Variants in RSRC1 observed in about 807,000 individuals in gnomAD.
RSRC1 encodes arginine and serine rich coiled-coil 1.
A neutral mutation model predicts 49.1 loss-of-function variants in RSRC1; 39 were observed. The ratio of observed to expected loss-of-function variants is 0.79; its 90% CI spans 0.61 to 1.04. RSRC1 has a LOEUF of 1.04. Among genes scored for constraint, RSRC1 ranks in the 50% least tolerant of loss-of-function variants. The probability of loss-of-function intolerance (pLI) is 0.00; values close to 1 mark genes in which losing one functional copy is unlikely to be tolerated. For synonymous variants in RSRC1, 143 were observed against 130.8 expected, an observed-to-expected ratio of 1.09 and a Z score of -0.63; for missense variants, 388 against 402.4, an observed-to-expected ratio of 0.96 and a Z score of 0.31.
chr3:158,200,249 C>G (rs539845856), intron 3 of RSRC1, among the ~76,000 whole-genome samples: 1 of 151,896 alleles, frequency 6.6e-6, no homozygotes, highest in Non-Finnish European at 1.5e-5. Context: ...CATGTTAGCC[C>G]GGATGGTCTC....
Position 158,491,155 on chromosome 3 carries a change from A to C in RSRC1, c.652+30152A>C, listed in dbSNP as rs150210266. On this transcript the variant is annotated intron_variant, in intron 7 of 9. Coordinates refer to ENST00000611884, the MANE Select transcript of RSRC1 (RefSeq NM_001271838.2). The stretch of plus-strand genomic sequence containing the variant: ...AGTTAATGTGGCTTATATGATAGCT[A>C]TCTCATTTCCTCTTGTCTACTAGGA... Among the ~76,000 whole-genome samples the C allele has an allele frequency of 6.4e-4, 98 of 152,352 alleles. 1 individual carries two copies. The highest frequency in any genetic ancestry group is 2.2e-3 in the African/African-American group (93 of 41,586).
Position 158,298,074 on chromosome 3 carries a change from T to C in RSRC1, c.530T>C (p.Leu177Pro). 6.2e-7 allele frequency: 1 copy of C among 1,601,294 alleles called. No individual in the cohort carries two copies. The highest frequency in any genetic ancestry group is 8.6e-7 in the Non-Finnish European group (1 of 1,169,186). ...AACATCAAAGCTGGATTAGAACATC[T>C]GGTAAGTTCTCATTTTCTCTTGAAC... ...SGNIKAGLEH[L>P]PPAEQAKARL... The change falls in exon 5 of 10, where the codon CTG (leucine) becomes CCG (proline). Residue 177 changes from leucine to proline, a missense_variant and splice_region_variant. Leu to Pro is a moderately conservative substitution (Grantham distance 98). Coordinates refer to ENST00000611884, the MANE Select transcript of RSRC1 (RefSeq NM_001271838.2).
intron 6 of RSRC1, among the ~76,000 whole-genome samples, chr3:158,395,527 G>A (rs1030526647): frequency 1.3e-5 from 2 of 152,076 alleles, no homozygotes; most frequent in Admixed American, 6.6e-5. Context: ...GACATGAACA[G>A]GCACTTTTTA....
chr3:158,421,005 A>C (rs894887840), intron 6 of RSRC1, among the ~76,000 whole-genome samples: 3 of 151,948 alleles, frequency 2.0e-5, no homozygotes, highest in African/African-American at 7.2e-5. Flanking sequence ...ATAACAGACA[A>C]GGCCAAATAT....
chr3:158,363,273 T>TC (rs1168466826), intron 6 of RSRC1, among the ~76,000 whole-genome samples: 1 of 151,326 alleles, frequency 6.6e-6, no homozygotes, highest in Non-Finnish European at 1.5e-5. Context: ...TTTTTTCTTT[T>TC]TTTTTTTTTT....
chr3:158,496,964 A>G (rs1739356377), intron 7 of RSRC1: 1 of 156,708 alleles, frequency 6.4e-6, no homozygotes. Flanking sequence ...TATGGAAAAA[A>G]AGAGAGAGGG....
intron 5 of RSRC1, among the ~76,000 whole-genome samples, chr3:158,322,419 T>G (rs985975436): frequency 6.6e-6 from 1 of 152,168 alleles, no homozygotes; most frequent in Non-Finnish European, 1.5e-5. Context: ...AAACTAAATG[T>G]ACCATTCCAG....
At chr3:158,222,945 G>T (rs1360507049) in intron 4 of RSRC1, among the ~76,000 whole-genome samples, 2 of 151,416 alleles carry the variant, frequency 1.3e-5, no homozygotes, top group Non-Finnish European at 3.0e-5. Context: ...CCATTTCTCT[G>T]CTCCTCATTT....
In RSRC1 at chr3:158,167,214, TCTCA is replaced by T. The variant is rs576778538; in HGVS notation, c.321-35854_321-35851del. The stretch of plus-strand genomic sequence containing the variant: ...TTTTCTTTTCTTTTTTGAAGTGGGG[TCTCA>T]CTCTGTCACCCAAGGTGCAGTGCAG... On this transcript the variant is annotated intron_variant, in intron 3 of 9. Coordinates refer to ENST00000611884, the MANE Select transcript of RSRC1 (RefSeq NM_001271838.2). Among the ~76,000 whole-genome samples, 27 of 152,202 alleles carry T rather than the reference TCTCA, an allele frequency of 1.8e-4. No homozygotes were observed. In the East Asian group the frequency reaches 3.1e-3, roughly 17 times the overall value.
chr3:158,255,332 C>G (rs1724476539), intron 4 of RSRC1, among the ~76,000 whole-genome samples: 1 of 152,136 alleles, frequency 6.6e-6, no homozygotes, highest in South Asian at 2.1e-4. Flanking sequence ...ATCCTTTCCC[C>G]ATTGCTTGTT....
chr3:158,451,717 G>T (rs1355292303), intron 6 of RSRC1, among the ~76,000 whole-genome samples: 2 of 151,990 alleles, frequency 1.3e-5, no homozygotes, highest in African/African-American at 4.8e-5. Context: ...CACTCCAGTG[G>T]TGCTTTTTAG....
At chr3:158,310,889 G>A (rs1728085516) in intron 5 of RSRC1, among the ~76,000 whole-genome samples, 1 of 151,692 alleles carries the variant, frequency 6.6e-6, no homozygotes, top group Non-Finnish European at 1.5e-5. Flanking sequence ...TTAATGCAAT[G>A]CCAATATTAC....
At chr3:158,476,536 G>T (rs1738376705) in intron 7 of RSRC1, among the ~76,000 whole-genome samples, 1 of 152,092 alleles carries the variant, frequency 6.6e-6, no homozygotes, top group Non-Finnish European at 1.5e-5. Context: ...GGGTCCTTGT[G>T]AATTATGCTA....
intron 4 of RSRC1, among the ~76,000 whole-genome samples, chr3:158,297,598 G>A (rs1354692365): frequency 6.6e-6 from 1 of 151,782 alleles, no homozygotes; most frequent in African/African-American, 2.4e-5. Flanking sequence ...GCAACCATTG[G>A]TGGATGGATA....
intron 4 of RSRC1, among the ~76,000 whole-genome samples, chr3:158,228,587 TA>T (rs964789087): frequency 2.1e-4 from 32 of 151,802 alleles, no homozygotes; most frequent in African/African-American, 6.0e-4. Context: ...TAAAATTCCT[TA>T]AAAAAAATTG....
chr3:158,266,564 T>A (rs1169120663), intron 4 of RSRC1, among the ~76,000 whole-genome samples: 1 of 152,210 alleles, frequency 6.6e-6, no homozygotes, highest in African/African-American at 2.4e-5. Context: ...ATACTTTTTA[T>A]CATTACATTT....
chr3:158,202,135 T>G (rs1721081000), intron 3 of RSRC1, among the ~76,000 whole-genome samples: 1 of 152,022 alleles, frequency 6.6e-6, no homozygotes, highest in Non-Finnish European at 1.5e-5. Flanking sequence ...CTGTTTCAGC[T>G]TCTTGAGTAG....
intron 7 of RSRC1, among the ~76,000 whole-genome samples, chr3:158,462,413 T>G (rs1455580634): frequency 6.6e-6 from 1 of 151,972 alleles, no homozygotes; most frequent in Non-Finnish European, 1.5e-5. Flanking sequence ...TATAAAACTC[T>G]GTGGTACCGT....
chr3:158,358,049 C>T (rs1425369925), intron 6 of RSRC1, among the ~76,000 whole-genome samples: 1 of 151,976 alleles, frequency 6.6e-6, no homozygotes, highest in Non-Finnish European at 1.5e-5. Flanking sequence ...AAATCTGTTT[C>T]GAATATTTAG....
Sources: allele counts gnomAD v4.1 joint callset (sites outside exome capture counted in the v4.1 genomes callset), GRCh38; gene constraint gnomAD v4.1.1; transcripts MANE v1.5; gene names NCBI Gene and HGNC (gene_info 2026-07-23, HGNC 2026-07-21).